The following BMPER variants were observed in gnomAD, a reference collection of about 807,000 sequenced individuals.
BMPER encodes BMP binding endothelial regulator.
Under a neutral mutation model 87.3 loss-of-function variants are expected in BMPER, and 45 were observed. The ratio of observed to expected loss-of-function variants is 0.52; its 90% CI spans 0.41 to 0.66. The LOEUF (loss-of-function observed/expected upper bound fraction) is 0.66, where lower values mean the gene tolerates loss of function less well. Ranked by LOEUF, BMPER falls within the 30% of genes least tolerant of loss-of-function variation. The pLI, the probability that BMPER is intolerant of heterozygous loss-of-function variation, is 0.00. For synonymous variants in BMPER, 326 were observed against 316.2 expected, an observed-to-expected ratio of 1.03 and a Z score of -0.33; for missense variants, 784 against 867.5, an observed-to-expected ratio of 0.90 and a Z score of 1.21.
chr7:34,129,361 G>A (rs1046722227), intron 13 of BMPER, among the ~76,000 whole-genome samples: 2 of 151,640 alleles, frequency 1.3e-5, no homozygotes, highest in Non-Finnish European at 2.9e-5. Context: ...AATTAGCCAG[G>A]TGTGTTGGTG....
intron 13 of BMPER, among the ~76,000 whole-genome samples, chr7:34,121,790 A>G (rs1393196981): frequency 6.6e-6 from 1 of 152,198 alleles, no homozygotes; most frequent in Non-Finnish European, 1.5e-5. Context: ...TGCCCAGTAT[A>G]GTACCTCAAA....
intron 6 of BMPER, among the ~76,000 whole-genome samples, chr7:33,997,885 A>G (rs1786461437): frequency 6.6e-6 from 1 of 152,136 alleles, no homozygotes; most frequent in Non-Finnish European, 1.5e-5. Flanking sequence ...TTCCTATTAA[A>G]ATGGTAACCC....
chr7:33,936,953 ATAT>A (rs1784617208), intron 2 of BMPER, among the ~76,000 whole-genome samples: 1 of 152,202 alleles, frequency 6.6e-6, no homozygotes, highest in African/African-American at 2.4e-5. Flanking sequence ...GTTTACACAA[ATAT>A]TATCGTTTCT....
At chr7:33,959,728 G>A (rs1353127849) in intron 3 of BMPER, among the ~76,000 whole-genome samples, 1 of 152,072 alleles carries the variant, frequency 6.6e-6, no homozygotes, top group Non-Finnish European at 1.5e-5. Flanking sequence ...TTATTGACTA[G>A]AATCCCAATT....
intron 6 of BMPER, among the ~76,000 whole-genome samples, chr7:34,002,833 C>T (rs1178025536): frequency 6.6e-6 from 1 of 151,658 alleles, no homozygotes; most frequent in Non-Finnish European, 1.5e-5. Flanking sequence ...CCCTACTGCT[C>T]TCTTTCAGTT....
intron 11 of BMPER, among the ~76,000 whole-genome samples, chr7:34,064,004 C>A (rs1227248299): frequency 6.6e-6 from 1 of 152,230 alleles, no homozygotes; most frequent in African/African-American, 2.4e-5. Context: ...AACATATGAC[C>A]AGCCAGGCGC....
At position 34,021,132 on chromosome 7, in the gene BMPER, T is replaced by C. The variant is rs145998793; in HGVS notation, c.577-25174T>C. Among the ~76,000 whole-genome samples, 648 of 152,098 alleles carry C rather than the reference T, an allele frequency of 4.3e-3. 7 individuals carry two copies. Among genetic ancestry groups the C allele is most frequent in the African/African-American group, 0.014 (589 of 41,534 alleles). ...GTTAATGCAAATACGAGAAGAGCAT[T>C]TTTTTAAGTTTTGAAACTTTTGGAA... On this transcript the variant is annotated intron_variant, in intron 6 of 14. Coordinates refer to ENST00000649409, the MANE Select transcript of BMPER (RefSeq NM_001365308.1).
At chr7:34,109,110 G>C (rs1375273958) in intron 13 of BMPER, among the ~76,000 whole-genome samples, 2 of 152,206 alleles carry the variant, frequency 1.3e-5, no homozygotes, top group Admixed American at 1.3e-4. Flanking sequence ...CAGGAGGGCT[G>C]ATGGTATAAT....
At chr7:33,985,636 C>A (rs1785984683) in intron 6 of BMPER, among the ~76,000 whole-genome samples, 1 of 152,030 alleles carries the variant, frequency 6.6e-6, no homozygotes, top group South Asian at 2.1e-4. Flanking sequence ...TACATATTTC[C>A]TGCACCATAA....
At chr7:33,958,830 T>C (rs1785205253) in intron 3 of BMPER, among the ~76,000 whole-genome samples, 1 of 152,194 alleles carries the variant, frequency 6.6e-6, no homozygotes, top group Admixed American at 6.5e-5. Flanking sequence ...CTAATATGGT[T>C]TGGCTCTGTG....
At chr7:34,092,415 T>G (rs1254079444) in intron 13 of BMPER, among the ~76,000 whole-genome samples, 1 of 152,232 alleles carries the variant, frequency 6.6e-6, no homozygotes, top group Non-Finnish European at 1.5e-5. Context: ...CAGATGTTTC[T>G]GCCCTGACTC....
At chr7:34,078,725 C>T (rs1788930400) in intron 11 of BMPER, 132 bp from the exon 12 acceptor site, 2 of 814,372 alleles carry the variant, frequency 2.5e-6, no homozygotes, top group Non-Finnish European at 1.9e-6. Context: ...AAAACGACCA[C>T]TTTTTTTTTT....
At chr7:34,128,383 T>A (rs1033929099) in intron 13 of BMPER, among the ~76,000 whole-genome samples, 8 of 152,198 alleles carry the variant, frequency 5.3e-5, no homozygotes, top group African/African-American at 1.9e-4. Context: ...ACAACCTATT[T>A]TGGCACATTG....
chr7:34,004,632 A>T, intron 6 of BMPER, among the ~76,000 whole-genome samples: 1 of 152,152 alleles, frequency 6.6e-6, no homozygotes, highest in Non-Finnish European at 1.5e-5. Context: ...TATTCTGCAA[A>T]GTCTGTATTC....
At chr7:34,001,563 C>CTTTTTT (rs34700644) in intron 6 of BMPER, among the ~76,000 whole-genome samples, 1 of 138,612 alleles carries the variant, frequency 7.2e-6, no homozygotes, top group Non-Finnish European at 1.6e-5. Context: ...AATCTGCTTT[C>CTTTTTT]TTTTTTTTTT....
At chr7:34,071,474 T>G (rs984140653) in intron 11 of BMPER, among the ~76,000 whole-genome samples, 1 of 152,214 alleles carries the variant, frequency 6.6e-6, no homozygotes, top group Non-Finnish European at 1.5e-5. Flanking sequence ...AAAGCAATAA[T>G]ATGCTCAATG....
intron 6 of BMPER, among the ~76,000 whole-genome samples, chr7:34,016,235 G>A (rs1787023686): frequency 6.6e-6 from 1 of 151,948 alleles, no homozygotes; most frequent in Non-Finnish European, 1.5e-5. Flanking sequence ...AGACAGCACA[G>A]CTGCACAGCT....
intron 5 of BMPER, among the ~76,000 whole-genome samples, chr7:33,972,005 C>T (rs1403044717): frequency 6.6e-6 from 1 of 152,138 alleles, no homozygotes; most frequent in African/African-American, 2.4e-5. Flanking sequence ...CTGGTTCACA[C>T]CAGTCTCCTG....
At chr7:34,036,346 G>T (rs1787666816) in intron 6 of BMPER, among the ~76,000 whole-genome samples, 1 of 152,144 alleles carries the variant, frequency 6.6e-6, no homozygotes, top group South Asian at 2.1e-4. Context: ...TACCAGGGTG[G>T]TCTGCAAGGT....
Sources: gnomAD v4.1 joint callset for allele counts (sites outside exome capture counted in the v4.1 genomes callset) on GRCh38, gnomAD v4.1.1 for gene constraint, MANE v1.5 for transcripts, NCBI Gene and HGNC (gene_info 2026-07-23, HGNC 2026-07-21) for gene names.